SPAG16: variants seen among roughly 807,000 people sequenced by gnomAD.
The protein encoded by SPAG16 is sperm associated antigen 16.
A neutral mutation model predicts 80.4 loss-of-function variants in SPAG16; 86 were observed. That is an observed-to-expected ratio of 1.07 (90% CI 0.90 to 1.28). The LOEUF is 1.28. Among genes scored for constraint, SPAG16 ranks in the 50% most tolerant of loss-of-function variants. SPAG16 has a pLI of 0.00. For missense variants in SPAG16, 870 were observed against 765.3 expected (o/e 1.14, Z -1.61); for synonymous variants, 294 against 265.9 (o/e 1.11, Z -1.03).
intron 15 of SPAG16, among the ~76,000 whole-genome samples, chr2:214,370,730 TG>T (rs367589567): frequency 1.4e-4 from 22 of 152,194 alleles, no homozygotes; most frequent in African/African-American, 5.3e-4. Flanking sequence ...GGGGCTGGGG[TG>T]GAGGAAATGG....
intron 15 of SPAG16, among the ~76,000 whole-genome samples, chr2:214,354,185 A>C (rs1480769013): frequency 6.6e-6 from 1 of 152,292 alleles, no homozygotes; most frequent in Non-Finnish European, 1.5e-5. Context: ...ATAAGGTGTA[A>C]GGAAGGGATC....
chr2:213,548,273 C>T (rs1363475462), intron 10 of SPAG16, among the ~76,000 whole-genome samples: 1 of 152,074 alleles, frequency 6.6e-6, no homozygotes. Flanking sequence ...AGTGCAGTGG[C>T]GCGATCTTGG....
intron 9 of SPAG16, among the ~76,000 whole-genome samples, chr2:213,484,928 T>A (rs1444187957): frequency 1.3e-5 from 2 of 152,194 alleles, no homozygotes; most frequent in Non-Finnish European, 2.9e-5. Flanking sequence ...AACACATTTC[T>A]TGTTAGTGTT....
At chr2:213,720,052 C>A (rs907414111) in intron 10 of SPAG16, among the ~76,000 whole-genome samples, 1 of 152,076 alleles carries the variant, frequency 6.6e-6, no homozygotes, top group African/African-American at 2.4e-5. Context: ...ATGGATGAAA[C>A]TAGAACAATC....
At chr2:213,431,632 G>T (rs2070307004) in intron 9 of SPAG16, among the ~76,000 whole-genome samples, 1 of 152,006 alleles carries the variant, frequency 6.6e-6, no homozygotes. Context: ...CCTAAAGAAA[G>T]AGATAGCAAC....
At chr2:213,363,035 G>T (rs2066073882) in intron 7 of SPAG16, among the ~76,000 whole-genome samples, 1 of 137,178 alleles carries the variant, frequency 7.3e-6, no homozygotes, top group Non-Finnish European at 1.6e-5. Context: ...TAGTTGTAAG[G>T]TGATATTCTG....
At chr2:213,893,868 A>G (rs2106091514) in intron 11 of SPAG16, among the ~76,000 whole-genome samples, 1 of 152,276 alleles carries the variant, frequency 6.6e-6, no homozygotes, top group Non-Finnish European at 1.5e-5. Flanking sequence ...CTAAAAAACA[A>G]GCAACGAAAT....
intron 10 of SPAG16, among the ~76,000 whole-genome samples, chr2:213,694,479 T>C (rs2065077405): frequency 1.3e-5 from 2 of 152,232 alleles, no homozygotes; most frequent in Admixed American, 6.5e-5. Context: ...CGTTGCTTTC[T>C]AGTATACGTG....
At chr2:213,645,150 A>G (rs2062775249) in intron 10 of SPAG16, among the ~76,000 whole-genome samples, 1 of 152,192 alleles carries the variant, frequency 6.6e-6, no homozygotes, top group South Asian at 2.1e-4. Flanking sequence ...GGCCATGAGG[A>G]GTACTGCCAG....
intron 1 of SPAG16, 114 bp downstream of exon 1, chr2:213,284,733 G>T (rs1205532981): frequency 1.4e-6 from 2 of 1,394,862 alleles, no homozygotes; most frequent in Non-Finnish European, 9.5e-7. Flanking sequence ...CTCCGGAGGA[G>T]CCTCTGTTGG....
chr2:213,483,122 T>A (rs1021803731), intron 9 of SPAG16, among the ~76,000 whole-genome samples: 44 of 152,180 alleles, frequency 2.9e-4, no homozygotes, highest in Admixed American at 6.5e-4. Context: ...TCTTCATGAA[T>A]ATTATTATTA....
chr2:213,431,678 A>T (rs1287518384), intron 9 of SPAG16, among the ~76,000 whole-genome samples: 1 of 152,122 alleles, frequency 6.6e-6, no homozygotes, highest in Non-Finnish European at 1.5e-5. Context: ...CTACGGACAC[A>T]CTATAAAGAT....
intron 12 of SPAG16, among the ~76,000 whole-genome samples, chr2:213,994,278 G>A (rs199838542): frequency 2.0e-5 from 3 of 152,010 alleles, no homozygotes; most frequent in East Asian, 1.9e-4. Context: ...TAGTAATGAC[G>A]AGGGACACAT....
chr2:213,318,546 A>G (rs182857410), intron 5 of SPAG16, among the ~76,000 whole-genome samples: 1 of 151,962 alleles, frequency 6.6e-6, no homozygotes, highest in Admixed American at 6.6e-5. Context: ...AATGTCCACT[A>G]CTTGGGTGAT....
chr2:213,474,428 A>G (rs868387204), intron 9 of SPAG16, among the ~76,000 whole-genome samples: 2 of 152,074 alleles, frequency 1.3e-5, no homozygotes, highest in Non-Finnish European at 1.5e-5. Context: ...ATTTTCTTTC[A>G]TCACTTTGTC....
chr2:214,378,750 G>A (rs1043924188), intron 15 of SPAG16, among the ~76,000 whole-genome samples: 5 of 152,218 alleles, frequency 3.3e-5, no homozygotes, highest in Admixed American at 3.3e-4. Context: ...GAATGTCACA[G>A]AATCCTGTGC....
intron 9 of SPAG16, among the ~76,000 whole-genome samples, chr2:213,478,909 TA>T (rs2125689008): frequency 6.6e-6 from 1 of 152,232 alleles, no homozygotes; most frequent in South Asian, 2.1e-4. Flanking sequence ...TTTAATGAGT[TA>T]TAAATCAAGG....
At chr2:214,227,967 A>T (rs1459167054) in intron 15 of SPAG16, among the ~76,000 whole-genome samples, 1 of 151,878 alleles carries the variant, frequency 6.6e-6, no homozygotes, top group African/African-American at 2.4e-5. Flanking sequence ...GCTCCCTGAG[A>T]CAGATGGTTA....
chr2:214,302,149 G>A (rs1262954287), intron 15 of SPAG16, among the ~76,000 whole-genome samples: 1 of 152,102 alleles, frequency 6.6e-6, no homozygotes, highest in Non-Finnish European at 1.5e-5. Context: ...GAAGATACTT[G>A]ATGTTATTTT....
Sources: allele counts gnomAD v4.1 joint callset (sites outside exome capture counted in the v4.1 genomes callset), GRCh38; gene constraint gnomAD v4.1.1; transcripts MANE v1.5; gene names NCBI Gene and HGNC (gene_info 2026-07-23, HGNC 2026-07-21).